Variants in MALRD1 observed in about 807,000 individuals in gnomAD.
MALRD1 encodes the protein MAM and LDL-receptor class A domain-containing protein 1.
Under a neutral mutation model 242.1 loss-of-function variants are expected in MALRD1, and 247 were observed. The ratio of observed to expected loss-of-function variants is 1.02; its 90% confidence interval spans 0.92 to 1.13. The LOEUF is 1.13. Ranked by LOEUF, MALRD1 falls within the 50% of genes most tolerant of loss-of-function variation. MALRD1 has a pLI of 0.00. For missense variants in MALRD1, 2,989 were observed against 2,533.1 expected, an observed-to-expected ratio of 1.18 and a Z score of -3.86; for synonymous variants, 995 against 866.6, an observed-to-expected ratio of 1.15 and a Z score of -2.60.
chr10:19,160,082 T>G (rs1418718692), intron 12 of MALRD1, among the ~76,000 whole-genome samples: 1 of 152,156 alleles, frequency 6.6e-6, no homozygotes, highest in Non-Finnish European at 1.5e-5. Context: ...AAAATCTGCC[T>G]TAGTGGAGAC....
chr10:19,322,788 T>TA (rs778429149), intron 21 of MALRD1, among the ~76,000 whole-genome samples: 2 of 152,128 alleles, frequency 1.3e-5, no homozygotes, highest in Admixed American at 6.6e-5. Flanking sequence ...CCCAAAATGA[T>TA]AAAAAATTTC....
In MALRD1 at chr10:19,283,125, C is replaced by A. The variant is rs572803248; in HGVS notation, c.3363C>A (p.Asn1121Lys). Residue 1121 changes from asparagine to lysine, a missense_variant, in exon 21 of 40, where the codon AAC becomes AAA. Physicochemically the swap from Asn to Lys is moderately conservative, Grantham distance 94. Transcript: ENST00000454679. ...ACACATTCAGGTGGGGGCTTGGGAA[C>A]GGGATCAGCATTCATCATGGGGAAG... ...DSNTFRWGLG[N>K]GISIHHGEEN... 2.6e-6 allele frequency: 4 copies of A among 1,549,454 alleles called. No individual in the cohort carries two copies. The highest frequency in any genetic ancestry group is 3.9e-5 in the Admixed American group (2 of 50,928).
intron 28 of MALRD1, among the ~76,000 whole-genome samples, chr10:19,419,835 C>T (rs775010858): frequency 2.4e-4 from 36 of 151,984 alleles, no homozygotes; most frequent in African/African-American, 8.7e-4. Context: ...AAGCTTAGAA[C>T]CAGGCATGAT....
At chr10:19,468,906 C>G (rs1836358084) in intron 29 of MALRD1, among the ~76,000 whole-genome samples, 1 of 151,938 alleles carries the variant, frequency 6.6e-6, no homozygotes, top group Admixed American at 6.6e-5. Context: ...TTTCAGTTTT[C>G]TTTATGTCTC....
chr10:19,586,521 T>TC (rs1412088591), intron 33 of MALRD1, among the ~76,000 whole-genome samples: 1 of 152,154 alleles, frequency 6.6e-6, no homozygotes, highest in Non-Finnish European at 1.5e-5. Context: ...GGTGGGTCCC[T>TC]CCCAGTTAGG....
At chr10:19,335,939 T>C (rs1843590727) in intron 24 of MALRD1, among the ~76,000 whole-genome samples, 1 of 152,084 alleles carries the variant, frequency 6.6e-6, no homozygotes, top group Admixed American at 6.6e-5. Context: ...TTTCTCCTAA[T>C]GCTGTCCCTC....
chr10:19,366,147 T>G (rs772943782), intron 26 of MALRD1, among the ~76,000 whole-genome samples: 2 of 151,882 alleles, frequency 1.3e-5, no homozygotes, highest in Non-Finnish European at 2.9e-5. Flanking sequence ...TACTACACTG[T>G]AATATGTAAT....
intron 31 of MALRD1, among the ~76,000 whole-genome samples, chr10:19,512,946 G>A (rs1187150966): frequency 1.3e-5 from 2 of 152,086 alleles, no homozygotes; most frequent in Non-Finnish European, 2.9e-5. Flanking sequence ...CTCCATGGGT[G>A]TACAATTAAC....
At chr10:19,176,366 C>CCTTTTT (rs1484132630) in intron 14 of MALRD1, among the ~76,000 whole-genome samples, 1 of 87,296 alleles carries the variant, frequency 1.1e-5, no homozygotes, top group African/African-American at 4.3e-5. Context: ...TTTCTGGGTG[C>CCTTTTT]TTTTTTTTTT....
At chr10:19,329,498 A>G (rs1282293567) in intron 23 of MALRD1, among the ~76,000 whole-genome samples, 4 of 152,160 alleles carry the variant, frequency 2.6e-5, no homozygotes, top group African/African-American at 9.6e-5. Flanking sequence ...TGAGTGCTAC[A>G]TACTATTTAT....
At chr10:19,172,786 A>G (rs934560808) in intron 13 of MALRD1, among the ~76,000 whole-genome samples, 1 of 152,008 alleles carries the variant, frequency 6.6e-6, no homozygotes, top group Admixed American at 6.6e-5. Flanking sequence ...TGCAAGATGT[A>G]TTATAATCAT....
chr10:19,379,384 C>G (rs1254242097), intron 26 of MALRD1, among the ~76,000 whole-genome samples: 1 of 151,962 alleles, frequency 6.6e-6, no homozygotes, highest in East Asian at 1.9e-4. Context: ...ATGATAGAAA[C>G]TTAGTTAATT....
chr10:19,098,705 C>T (rs899357476), intron 4 of MALRD1, among the ~76,000 whole-genome samples: 9 of 152,180 alleles, frequency 5.9e-5, no homozygotes, highest in African/African-American at 1.4e-4. Flanking sequence ...TGGGGCTATA[C>T]CTGAGGTTCA....
At chr10:19,047,355 GGTGTGTGTGTGT>G (rs3042212), upstream of MALRD1, among the ~76,000 whole-genome samples, 5 of 148,848 alleles carry the variant, frequency 3.4e-5, no homozygotes, top group East Asian at 2.0e-4. Flanking sequence ...GTGTTAATTA[GGTGTGTGTGTGT>G]GTGTGTGTGT....
intron 14 of MALRD1, among the ~76,000 whole-genome samples, chr10:19,184,954 T>C (rs1456286884): frequency 1.3e-5 from 2 of 152,220 alleles, no homozygotes; most frequent in Non-Finnish European, 2.9e-5. Flanking sequence ...AGTGTCCCTG[T>C]GTTTGAAGTC....
intron 33 of MALRD1, among the ~76,000 whole-genome samples, chr10:19,584,160 C>T (rs2131519261): frequency 6.6e-6 from 1 of 151,144 alleles, no homozygotes; most frequent in South Asian, 2.1e-4. Context: ...TTTTGTTGAT[C>T]CTTTCAAAAA....
intron 34 of MALRD1, among the ~76,000 whole-genome samples, chr10:19,601,466 TAAAAG>T (rs937188975): frequency 3.2e-4 from 49 of 151,910 alleles, no homozygotes; most frequent in African/African-American, 1.2e-3. Context: ...TACCTACTCT[TAAAAG>T]AAAATTTATA....
chr10:19,615,364 A>G (rs1442818625), intron 35 of MALRD1, among the ~76,000 whole-genome samples: 1 of 151,656 alleles, frequency 6.6e-6, no homozygotes, highest in Non-Finnish European at 1.5e-5. Context: ...ACAATAATCT[A>G]AAAATTAGGC....
chr10:19,457,556 T>A (rs889018014), intron 29 of MALRD1, among the ~76,000 whole-genome samples: 10 of 151,980 alleles, frequency 6.6e-5, no homozygotes, highest in Admixed American at 6.6e-4. Context: ...GGTGAAAGCA[T>A]GAAAGGATGT....
Sources: gnomAD v4.1 joint callset for allele counts (sites outside exome capture counted in the v4.1 genomes callset) on GRCh38, gnomAD v4.1.1 for gene constraint, MANE v1.5 for transcripts, NCBI Gene and HGNC (gene_info 2026-07-23, HGNC 2026-07-21) for gene names.